TANC2: variants seen among roughly 807,000 people sequenced by gnomAD.
TANC2 encodes protein TANC2.
Under a neutral mutation model 210.5 loss-of-function variants are expected in TANC2, and 26 were observed. That is an observed-to-expected ratio of 0.12 (90% CI 0.09 to 0.17). The LOEUF is 0.17. TANC2 is among the 10% of genes least tolerant of loss of function. The pLI, the probability that TANC2 is intolerant of heterozygous loss-of-function variation, is 1.00. For missense variants in TANC2, 2,129 were observed against 2,608.9 expected, an observed-to-expected ratio of 0.82 and a Z score of 4.01; for synonymous variants, 931 against 967.1, an observed-to-expected ratio of 0.96 and a Z score of 0.69.
chr17:63,072,078 G>A (rs1298873478), intron 2 of TANC2, among the ~76,000 whole-genome samples: 1 of 152,118 alleles, frequency 6.6e-6, no homozygotes, highest in East Asian at 1.9e-4. Context: ...ATTATTGGCT[G>A]CCTTTCTGTT....
At chr17:63,144,873 CTT>C (rs959196093) in intron 4 of TANC2, among the ~76,000 whole-genome samples, 63 of 151,852 alleles carry the variant, frequency 4.1e-4, no homozygotes, top group African/African-American at 1.3e-3. Flanking sequence ...TGCATTGTAT[CTT>C]TTTTATTTTT....
chr17:63,424,798 A>T (rs964118593), exon 28 of TANC2: 2 of 152,154 alleles, frequency 1.3e-5, no homozygotes, highest in African/African-American at 2.4e-5. Flanking sequence ...CTTGTCTTTT[A>T]GTGTATTTTT....
At chr17:63,410,238 G>C (rs753538977) in intron 21 of TANC2, among the ~76,000 whole-genome samples, 1 of 152,004 alleles carries the variant, frequency 6.6e-6, no homozygotes, top group African/African-American at 2.4e-5. Flanking sequence ...TAACTATAGA[G>C]TAGATTTAGT....
intron 7 of TANC2, among the ~76,000 whole-genome samples, chr17:63,209,007 T>C (rs2041805323): frequency 1.3e-5 from 2 of 151,898 alleles, no homozygotes; most frequent in South Asian, 4.2e-4. Context: ...TCTTCCTAAT[T>C]TTTTTTTTCA....
At chr17:63,142,863 G>T (rs1396902928) in intron 4 of TANC2, among the ~76,000 whole-genome samples, 1 of 152,132 alleles carries the variant, frequency 6.6e-6, no homozygotes, top group Admixed American at 6.6e-5. Context: ...CCGATGAGTT[G>T]GGGGGCATCT....
chr17:63,379,499 A>C lies in TANC2; in HGVS notation c.2583-219A>C, dbSNP rs1212929020. 3.3e-5 allele frequency among the ~76,000 whole-genome samples: 5 copies of C among 152,186 alleles called. No homozygotes were observed. The East Asian group carries it at 9.7e-4, about 29-fold the overall frequency. On this transcript the variant is annotated intron_variant, in intron 14 of 27. Coordinates refer to ENST00000689528, the Ensembl canonical transcript of TANC2. ...AGCCTGGCCAACATGGCGAAACCCC[A>C]TCTCTACTAAAATAGAAAAATTAGC...
At chr17:63,389,436 C>G (rs1045592537) in exon 17 of TANC2, 1 of 1,613,946 alleles carries the variant, frequency 6.2e-7, no homozygotes, top group Non-Finnish European at 8.5e-7. Context: ...TGCTGGAGTT[C>G]GGGGCCAACG....
intron 4 of TANC2, among the ~76,000 whole-genome samples, chr17:63,113,009 AC>A (rs2038113086): frequency 6.6e-6 from 1 of 152,138 alleles, no homozygotes; most frequent in Non-Finnish European, 1.5e-5. Context: ...TTAACTTCCC[AC>A]CTGCTATGGA....
At chr17:63,405,070 C>T (rs1039471742) in intron 19 of TANC2, 52 bp from the exon 20 acceptor site, 71 of 1,520,162 alleles carry the variant, frequency 4.7e-5, no homozygotes, top group Middle Eastern at 3.5e-4. Context: ...TAACATGGAG[C>T]GCTGGAGAGG....
intron 3 of TANC2, among the ~76,000 whole-genome samples, chr17:63,096,996 T>G (rs1349455881): frequency 6.6e-6 from 1 of 152,118 alleles, no homozygotes; most frequent in African/African-American, 2.4e-5. Context: ...GTTGGCCATT[T>G]GTGTATCTTC....
chr17:63,336,935 G>A (rs1247031530), intron 11 of TANC2, among the ~76,000 whole-genome samples: 1 of 152,128 alleles, frequency 6.6e-6, no homozygotes, highest in African/African-American at 2.4e-5. Context: ...TGTAGGGAGT[G>A]ATCTAATATC....
At chr17:63,301,035 T>C (rs2044696196) in intron 9 of TANC2, among the ~76,000 whole-genome samples, 1 of 152,188 alleles carries the variant, frequency 6.6e-6, no homozygotes, top group African/African-American at 2.4e-5. Context: ...GTTGAGATGA[T>C]CATGTGGTTT....
chr17:63,220,713 A>ATATATATATATATATATATATATATAT (rs1302451440), intron 7 of TANC2, among the ~76,000 whole-genome samples: 5 of 140,560 alleles, frequency 3.6e-5, no homozygotes, highest in African/African-American at 5.4e-5. Context: ...CAAAAAAAAA[A>ATATATATATATATATATATATATATAT]AAAAAAATAT....
At chr17:63,284,972 G>A (rs1286040385) in intron 9 of TANC2, among the ~76,000 whole-genome samples, 2 of 151,808 alleles carry the variant, frequency 1.3e-5, no homozygotes, top group Non-Finnish European at 1.5e-5. Context: ...TGATCATTAG[G>A]GAATGACCTT....
chr17:63,065,661 G>A (rs1012987639), intron 2 of TANC2, among the ~76,000 whole-genome samples: 4 of 152,136 alleles, frequency 2.6e-5, no homozygotes, highest in African/African-American at 9.7e-5. Flanking sequence ...TGTTGGGCAT[G>A]TTTATATATA....
intron 2 of TANC2, among the ~76,000 whole-genome samples, chr17:63,054,518 T>G (rs2035697704): frequency 6.6e-6 from 1 of 151,842 alleles, no homozygotes; most frequent in East Asian, 1.9e-4. Context: ...ATTACAGGCA[T>G]GTGCCACCAT....
chr17:62,972,863 T>C (rs757521142), intron 1 of TANC2, among the ~76,000 whole-genome samples: 2 of 152,146 alleles, frequency 1.3e-5, no homozygotes, highest in Non-Finnish European at 1.5e-5. Flanking sequence ...TTTCATGGAC[T>C]ACTCCTGCCC....
intron 16 of TANC2, 54 bp from the exon 17 acceptor site, chr17:63,389,254 A>G: frequency 1.4e-6 from 2 of 1,384,618 alleles, no homozygotes; most frequent in Non-Finnish European, 2.0e-6. Flanking sequence ...AAAGATGACT[A>G]AAAGGATGTG....
intron 2 of TANC2, among the ~76,000 whole-genome samples, chr17:63,011,127 A>G (rs1403382756): frequency 3.3e-5 from 5 of 152,108 alleles, no homozygotes; most frequent in Non-Finnish European, 7.4e-5. Context: ...TCGTCTCGTT[A>G]GCATATAGAA....
Sources: allele counts gnomAD v4.1 joint callset (sites outside exome capture counted in the v4.1 genomes callset), GRCh38; gene constraint gnomAD v4.1.1; transcripts MANE v1.5; gene names NCBI Gene and HGNC (gene_info 2026-07-23, HGNC 2026-07-21).